UNC80: variants seen among roughly 807,000 people sequenced by gnomAD.
The protein encoded by UNC80 is unc-80 subunit of NALCN channel complex, also known as protein unc-80 homolog.
UNC80 carries 164 observed loss-of-function variants against 384.6 expected under a neutral mutation model. The ratio of observed to expected loss-of-function variants is 0.43; its 90% CI spans 0.38 to 0.49. UNC80 has a LOEUF of 0.49. UNC80 is among the 20% of genes least tolerant of loss of function. The pLI is 0.00. For missense variants in UNC80, 3,330 were observed against 4,143.0 expected (o/e 0.80, Z 5.39); for synonymous variants, 1,486 against 1,527.8 (o/e 0.97, Z 0.64).
At chr2:209,842,518 G>T in intron 21 of UNC80, 72 bp downstream of exon 21, 13 of 1,057,400 alleles carry the variant, frequency 1.2e-5, no homozygotes, top group South Asian at 9.3e-5. Flanking sequence ...TAGATTAAGT[G>T]GTCCATTTTC....
intron 22 of UNC80, among the ~76,000 whole-genome samples, chr2:209,866,764 C>T (rs2083865801): frequency 6.6e-6 from 1 of 151,948 alleles, no homozygotes; most frequent in Non-Finnish European, 1.5e-5. Context: ...CATCTAATTC[C>T]TTCATCATAC....
At chr2:209,947,705 TCTC>T (rs2091974499) in intron 47 of UNC80, among the ~76,000 whole-genome samples, 1 of 152,114 alleles carries the variant, frequency 6.6e-6, no homozygotes, top group Non-Finnish European at 1.5e-5. Flanking sequence ...TAACAGCAAG[TCTC>T]TGTTGTACTT....
At chr2:209,919,233 C>G (rs6705019) in intron 33 of UNC80, among the ~76,000 whole-genome samples, 11,666 of 152,146 alleles carry the variant, frequency 0.077, 970 homozygotes, top group African/African-American at 0.2. Context: ...GAAAAAAATT[C>G]ATCTTCAGAA....
intron 8 of UNC80, among the ~76,000 whole-genome samples, 171 bp from the exon 9 acceptor site, chr2:209,815,086 A>G (rs2079635246): frequency 6.6e-6 from 1 of 152,200 alleles, no homozygotes; most frequent in African/African-American, 2.4e-5. Flanking sequence ...TTAATATGAA[A>G]TATATATTCT....
chr2:209,864,068 T>C (rs2083535061), intron 22 of UNC80, among the ~76,000 whole-genome samples: 1 of 144,372 alleles, frequency 6.9e-6, no homozygotes, highest in Admixed American at 6.8e-5. Context: ...TGTTGCCTTC[T>C]GCTTGTTTAT....
Position 209,839,074 on chromosome 2 carries a change from C to T in UNC80, c.3042-148C>T. 2 of 697,858 alleles carry T rather than the reference C, an allele frequency of 2.9e-6. No individual in the cohort carries two copies. Among genetic ancestry groups the T allele is most frequent in the Non-Finnish European group, 4.8e-6 (2 of 420,498 alleles). The allele number at this position is 697,858 out of a possible 1,614,324, so 43.2% of individuals were successfully genotyped here. On this transcript the variant is annotated intron_variant, in intron 18 of 64. Coordinates refer to ENST00000673920, the MANE Select transcript of UNC80 (RefSeq NM_001371986.1). The surrounding 1 kb of genome is among the most constrained non-coding windows in gnomAD (Gnocchi z 4.1). ...ATGAACCTTGATCTCTTTCCTCCCA[C>T]TTCAATGCCCACTCTTCCCACATTT...
At chr2:209,823,124 G>T (rs1411839483) in intron 13 of UNC80, among the ~76,000 whole-genome samples, 1 of 152,126 alleles carries the variant, frequency 6.6e-6, no homozygotes, top group Non-Finnish European at 1.5e-5. Flanking sequence ...TAGAAAGGAA[G>T]ATCTAATTTC....
At chr2:209,954,330 AAAAT>A (rs1410088125) in intron 48 of UNC80, 60 bp downstream of exon 48, 5 of 1,372,520 alleles carry the variant, frequency 3.6e-6, no homozygotes, top group Non-Finnish European at 4.7e-6. Flanking sequence ...TGAAAAAAAA[AAAAT>A]AAGAAAAAAA....
intron 13 of UNC80, among the ~76,000 whole-genome samples, chr2:209,824,136 T>C (rs980423960): frequency 6.6e-6 from 1 of 152,084 alleles, no homozygotes; most frequent in Non-Finnish European, 1.5e-5. Context: ...TATTCGAAAA[T>C]CTGAAAAAAT....
intron 51 of UNC80, among the ~76,000 whole-genome samples, chr2:209,965,598 T>A (rs966688975): frequency 2.6e-5 from 4 of 151,958 alleles, no homozygotes; most frequent in African/African-American, 9.7e-5. Context: ...TTTTTTTGTA[T>A]TTTTGGTAGA....
intron 29 of UNC80, among the ~76,000 whole-genome samples, chr2:209,911,306 G>A (rs906301660): frequency 6.6e-5 from 10 of 152,078 alleles, no homozygotes; most frequent in African/African-American, 1.9e-4. Context: ...TATAAAATGG[G>A]CATGCTATTT....
In UNC80 at chr2:209,939,356, T is replaced by G. The variant is rs1266971761; in HGVS notation, c.6466-116T>G. The G allele has an allele frequency of 3.6e-6, 4 of 1,104,130 alleles. No individual in the cohort carries two copies. In the African/African-American group the frequency reaches 6.3e-5, roughly 17 times the overall value. 68.4% of individuals were successfully genotyped at this position (1,104,130 alleles called of 1,614,324 possible). A position where few individuals can be genotyped will look rare whatever the true frequency, so the allele number is the denominator to read the frequency against. On this transcript the variant is annotated intron_variant, in intron 42 of 64. Coordinates refer to ENST00000673920, the MANE Select transcript of UNC80 (RefSeq NM_001371986.1). ...GTCTCCCTCATTTCACTTTTTCCCC[T>G]TTTCCGACTTTATCAACCCAGTTTG...
Position 209,967,484 on chromosome 2 carries a change from C to G in UNC80, c.7853C>G (p.Thr2618Ser). The G allele has an allele frequency of 1.3e-6, 2 of 1,551,526 alleles. No individual in the cohort carries two copies. Among genetic ancestry groups the G allele is most frequent in the Non-Finnish European group, 1.7e-6 (2 of 1,146,976 alleles). Reference protein sequence around the residue: ...HSLLKLAPYDTQTMESRGLRR... With the variant: ...HSLLKLAPYDSQTMESRGLRR... ...CTTCTGAAGCTGGCACCATATGACA[C>G]TCAGACAATGGAGAGTCGTGGGCTT... The change falls in exon 52 of 65, where the codon ACT (threonine) becomes AGT (serine). Residue 2618 changes from threonine to serine, a missense_variant. Physicochemically the swap from Thr to Ser is moderately conservative, Grantham distance 58. Transcript: ENST00000673920.
chr2:209,860,367 C>T (rs1411509135), intron 22 of UNC80, among the ~76,000 whole-genome samples: 1 of 152,182 alleles, frequency 6.6e-6, no homozygotes, highest in African/African-American at 2.4e-5. Context: ...TCCGAGGTCT[C>T]TGTTCTGCTC....
At chr2:209,893,388 A>G (rs953944878) in intron 26 of UNC80, among the ~76,000 whole-genome samples, 4 of 152,252 alleles carry the variant, frequency 2.6e-5, no homozygotes, top group Non-Finnish European at 5.9e-5. Flanking sequence ...GTTGATTTAA[A>G]GAAAGATAGG....
chr2:209,821,670 G>A (rs149549859), intron 13 of UNC80, among the ~76,000 whole-genome samples: 5 of 152,166 alleles, frequency 3.3e-5, no homozygotes, highest in Non-Finnish European at 5.9e-5. Flanking sequence ...CCTCTGCCTT[G>A]TCAACATCTG....
rs570983945 is a variant in UNC80, at chr2:209,839,080, T to A, written c.3042-142T>A. 4.1e-5 allele frequency: 29 copies of A among 711,804 alleles called. No homozygotes were observed. The highest frequency in any genetic ancestry group is 7.9e-4 in the Middle Eastern group (2 of 2,516). The allele number at this position is 711,804 out of a possible 1,614,324, so 44.1% of individuals were successfully genotyped here. ...CTTGATCTCTTTCCTCCCACTTCAATGCCCACTCTTCCCACATTTCAGCCC... is the reference window on the plus strand; with the variant it reads ...CTTGATCTCTTTCCTCCCACTTCAAAGCCCACTCTTCCCACATTTCAGCCC... On this transcript the variant is annotated intron_variant, in intron 18 of 64. Coordinates refer to ENST00000673920, the MANE Select transcript of UNC80 (RefSeq NM_001371986.1). The surrounding 1 kb of genome is among the most constrained non-coding windows in gnomAD (Gnocchi z 4.1).
Position 209,829,771 on chromosome 2 carries a change from T to C in UNC80, c.2626+392T>C, listed in dbSNP as rs1239400089. Among the ~76,000 whole-genome samples, 3 of 152,286 alleles carry C rather than the reference T, an allele frequency of 2.0e-5. No homozygotes were observed. In the East Asian group the frequency reaches 5.8e-4, roughly 29 times the overall value. On this transcript the variant is annotated intron_variant, in intron 15 of 64. Transcript: ENST00000673920. ...ATGAGTATCTATAACGTACAGGCAT[T>C]ATAGTGGCACAGTGCCTGACAATTT...
chr2:209,921,400 G>A, intron 33 of UNC80, 100 bp from the exon 34 acceptor site: 5 of 1,201,370 alleles, frequency 4.2e-6, no homozygotes, highest in Non-Finnish European at 5.7e-6. Context: ...ATTTCCTGAG[G>A]ACAAACTACT....
Sources: allele counts gnomAD v4.1 joint callset (sites outside exome capture counted in the v4.1 genomes callset), GRCh38; gene constraint gnomAD v4.1.1; non-coding constraint Gnocchi (gnomAD v3.1); transcripts MANE v1.5; gene names NCBI Gene and HGNC (gene_info 2026-07-23, HGNC 2026-07-21).